Variants in VSX1 observed in about 807,000 individuals in gnomAD.
The protein encoded by VSX1 is homeodomain protein RINX.
Under a neutral mutation model 23.6 loss-of-function variants are expected in VSX1, and 23 were observed. The ratio of observed to expected loss-of-function variants is 0.97; its 90% CI spans 0.70 to 1.38. The LOEUF is 1.38. VSX1 is among the 40% of genes most tolerant of loss of function. The pLI is 0.00. For synonymous variants in VSX1, 247 were observed against 215.1 expected (o/e 1.15, Z -1.30); for missense variants, 517 against 495.4 (o/e 1.04, Z -0.41).
In VSX1 at chr20:25,081,921, G is replaced by A; in HGVS notation, c.176C>T (p.Ala59Val). 6.5e-7 allele frequency: 1 copy of A among 1,530,626 alleles called. No individual in the cohort carries two copies. Among genetic ancestry groups the A allele is most frequent in the South Asian group, 1.2e-5 (1 of 83,762 alleles). The allele number at this position is 1,530,626 out of a possible 1,614,324, so 94.8% of individuals were successfully genotyped here. ...CCCCGGGCCCGGGCACGGCGCGACT[G>A]CCGGACCCTCGCAGCCAGATCCCTG... Reference protein sequence around the residue: ...PGQGSGCEGPAVAPCPGPGLD... With the variant: ...PGQGSGCEGPVVAPCPGPGLD... The change falls in exon 1 of 5, where the codon GCA (alanine) becomes GTA (valine). Residue 59 changes from alanine to valine, a missense_variant. Coordinates refer to ENST00000376709, the MANE Select transcript of VSX1 (RefSeq NM_014588.6).
At chr20:25,078,426 A>G (rs1344556702) in intron 3 of VSX1, 1 of 670,260 alleles carries the variant, frequency 1.5e-6, no homozygotes, top group East Asian at 6.1e-5. Context: ...GTATATATGC[A>G]TGTAGATATG....
downstream of VSX1, chr20:25,070,882 C>T (rs1191342861): frequency 7.6e-6 from 3 of 394,536 alleles, no homozygotes; most frequent in Non-Finnish European, 1.5e-5. Flanking sequence ...TAAATATATG[C>T]AATTTTTGTC....
At chr20:25,071,430 C>T (rs1415153157), downstream of VSX1, 3 of 453,736 alleles carry the variant, frequency 6.6e-6, no homozygotes, top group African/African-American at 4.0e-5. Context: ...TATGATTGTG[C>T]CACTGCACTC....
downstream of VSX1, among the ~76,000 whole-genome samples, chr20:25,072,833 C>G (rs2089407678): frequency 6.6e-6 from 1 of 152,196 alleles, no homozygotes; most frequent in Admixed American, 6.5e-5. Context: ...ATGCTGCCTC[C>G]TGCTGCTACA....
chr20:25,081,360 A>T (rs2089637730), intron 1 of VSX1: 1 of 632,792 alleles, frequency 1.6e-6, no homozygotes, highest in Non-Finnish European at 3.0e-6. Flanking sequence ...CGCTGGGGGG[A>T]AAAATGGCCC....
In VSX1 at chr20:25,081,914, C is replaced by G. The variant is rs1394252540; in HGVS notation, c.183G>C (p.Ala61=). The change falls in exon 1 of 5, where the codon GCG becomes GCC. Residue 61 remains alanine (A), a synonymous_variant. Transcript: ENST00000376709. ...CGTCAAGCCCCGGGCCCGGGCACGGCGCGACTGCCGGACCCTCGCAGCCAG... is the reference window on the plus strand; with the variant it reads ...CGTCAAGCCCCGGGCCCGGGCACGGGGCGACTGCCGGACCCTCGCAGCCAG... ...QGSGCEGPAV[A]PCPGPGLDGS... 1.4e-5 allele frequency: 22 copies of G among 1,529,202 alleles called. No individual in the cohort carries two copies. The highest frequency in any genetic ancestry group is 4.8e-5 in the South Asian group (4 of 83,588). 94.7% of individuals were successfully genotyped at this position (1,529,202 alleles called of 1,614,324 possible).
At chr20:25,071,882 A>C, downstream of VSX1, 2 of 714,310 alleles carry the variant, frequency 2.8e-6, no homozygotes, top group Non-Finnish European at 5.2e-6. Flanking sequence ...CTACCTGAGC[A>C]CTTCTCCAGA....
chr20:25,072,992 TGTCA>T (rs1246816538), downstream of VSX1, among the ~76,000 whole-genome samples: 1 of 152,232 alleles, frequency 6.6e-6, no homozygotes, highest in Non-Finnish European at 1.5e-5. Flanking sequence ...TCAGTCCTGC[TGTCA>T]GTCTGTAGCC....
In VSX1 at chr20:25,077,352, T is replaced by C. The variant is rs145795163; in HGVS notation, c.808+333A>G. Among the ~76,000 whole-genome samples the C allele has an allele frequency of 2.2e-3, 338 of 152,314 alleles. 1 individual carries two copies. Among genetic ancestry groups the C allele is most frequent in the African/African-American group, 7.7e-3 (319 of 41,568 alleles). On this transcript the variant is annotated intron_variant, in intron 4 of 4. Coordinates refer to ENST00000376709, the MANE Select transcript of VSX1 (RefSeq NM_014588.6). ...GTTTCCTATTACCAAGTGCCCTAAATTGTATGGTTTCTAAAAATTCTAACA... is the reference window on the plus strand; with the variant it reads ...GTTTCCTATTACCAAGTGCCCTAAACTGTATGGTTTCTAAAAATTCTAACA...
In VSX1 at chr20:25,082,028, AG is replaced by A. The variant is rs2089662339; in HGVS notation, c.68del (p.Pro23LeufsTer81). 8.5e-6 allele frequency: 13 copies of A among 1,536,682 alleles called. No homozygotes were observed. In the East Asian group the frequency reaches 3.1e-4, roughly 37 times the overall value. On this transcript the variant is annotated frameshift_variant, in exon 1 of 5. Coordinates refer to ENST00000376709, the MANE Select transcript of VSX1 (RefSeq NM_014588.6). LOFTEE classifies it high-confidence loss of function. ...SSRALVPGGS[P>X]RGSRPRGFAI... ...CGAAGCCCCGGGGGCGCGAGCCCCT[AG>A]GGGAACCGCCAGGCACCAGCGCCCT...
intron 4 of VSX1, 70 bp downstream of exon 4, chr20:25,077,614 TG>T (rs2089528382): frequency 6.6e-7 from 1 of 1,522,708 alleles, no homozygotes; most frequent in Non-Finnish European, 8.8e-7. Flanking sequence ...GCTGCCTCGG[TG>T]GGGACACCCT....
downstream of VSX1, among the ~76,000 whole-genome samples, chr20:25,074,447 T>C (rs2089444716): frequency 6.6e-6 from 1 of 152,250 alleles, no homozygotes; most frequent in Non-Finnish European, 1.5e-5. Context: ...CTAGCCCCTT[T>C]CTCTCGTGCC....
intron 1 of VSX1, among the ~76,000 whole-genome samples, chr20:25,081,271 G>C (rs980904202): frequency 6.6e-6 from 1 of 152,192 alleles, no homozygotes; most frequent in Non-Finnish European, 1.5e-5. Context: ...CTGGTACCTT[G>C]TTCGGTGCTG....
chr20:25,074,292 T>A (rs1020490594), downstream of VSX1, among the ~76,000 whole-genome samples: 1 of 152,212 alleles, frequency 6.6e-6, no homozygotes, highest in African/African-American at 2.4e-5. Context: ...TGGCTAGAGT[T>A]GGCAAAGCCG....
In VSX1 at chr20:25,077,871, T is replaced by A. The variant is rs2089541769; in HGVS notation, c.628-6A>T. 1 of 1,551,426 alleles carries A rather than the reference T, an allele frequency of 6.4e-7. No homozygotes were observed. The highest frequency in any genetic ancestry group is 8.7e-7 in the Non-Finnish European group (1 of 1,147,210). ...CTGCGGTTTTGAAACCAGACCTGGT[T>A]GGAGGCAGGAGAAGCAGAAGGCACA... On this transcript the variant is annotated splice_polypyrimidine_tract_variant and splice_region_variant and intron_variant, in intron 3 of 4. Coordinates refer to ENST00000376709, the MANE Select transcript of VSX1 (RefSeq NM_014588.6).
intron 2 of VSX1, 89 bp from the exon 3 acceptor site, chr20:25,079,041 C>A: frequency 1.3e-6 from 2 of 1,528,914 alleles, no homozygotes; most frequent in Non-Finnish European, 1.8e-6. Context: ...CCTGCTTCCT[C>A]TGCTGTCCAG....
intron 3 of VSX1, chr20:25,078,445 C>T: frequency 1.2e-6 from 1 of 843,768 alleles, no homozygotes; most frequent in Non-Finnish European, 1.6e-6. Context: ...TGTATATGCA[C>T]ATACATATTC....
At chr20:25,080,386 G>T (rs1344166964) in intron 1 of VSX1, among the ~76,000 whole-genome samples, 1 of 152,174 alleles carries the variant, frequency 6.6e-6, no homozygotes, top group Non-Finnish European at 1.5e-5. Flanking sequence ...GACACATAAG[G>T]TTATTAAGCA....
At chr20:25,071,864 G>A (rs1350560337), downstream of VSX1, 1 of 715,996 alleles carries the variant, frequency 1.4e-6, no homozygotes, top group East Asian at 2.7e-5. Flanking sequence ...TCCTGAGGCA[G>A]AACAATGCTA....
Sources: gnomAD v4.1 joint callset for allele counts (sites outside exome capture counted in the v4.1 genomes callset) on GRCh38, gnomAD v4.1.1 for gene constraint, MANE v1.5 for transcripts, NCBI Gene and HGNC (gene_info 2026-07-23, HGNC 2026-07-21) for gene names.